Variants in RINT1 observed in about 807,000 individuals in gnomAD.
The protein encoded by RINT1 is RAD50 interactor 1.
In RINT1, 75 loss-of-function variants were observed where a neutral mutation model predicts 97.7. The observed-to-expected ratio is 0.77, with a 90% confidence interval of 0.64 to 0.93. The LOEUF (loss-of-function observed/expected upper bound fraction) is 0.93. Among genes scored for constraint, RINT1 ranks in the 40% least tolerant of loss-of-function variants. The pLI, the probability that RINT1 is intolerant of heterozygous loss-of-function variation, is 0.00. For synonymous variants in RINT1, 303 were observed against 326.3 expected, an observed-to-expected ratio of 0.93 and a Z score of 0.77; for missense variants, 892 against 925.2, an observed-to-expected ratio of 0.96 and a Z score of 0.47.
chr7:105,559,116 C>T lies in RINT1; in HGVS notation c.1671+3889C>T, dbSNP rs542152307. The stretch of plus-strand genomic sequence containing the variant: ...ATGGTTATGATGGTGCAAATCTGGC[C>T]GGGTGTGGTGGCTCACGCCTGTAAT... On this transcript the variant is annotated intron_variant, in intron 11 of 14. Transcript: ENST00000257700. Among the ~76,000 whole-genome samples the T allele has an allele frequency of 3.2e-4, 48 of 151,714 alleles. No homozygotes were observed. The East Asian group carries it at 3.7e-3, about 12-fold the overall frequency.
Position 105,551,562 on chromosome 7 carries a change from C to T in RINT1, c.1334-8C>T. ...TTAATTGACATAATTGTTTTGTCTG[C>T]TTATCAGTTGCTCTTCAAAAAATGG... On this transcript the variant is annotated splice_region_variant and splice_polypyrimidine_tract_variant and intron_variant, in intron 9 of 14. Coordinates refer to ENST00000257700, the MANE Select transcript of RINT1 (RefSeq NM_021930.6). 6.3e-7 allele frequency: 1 copy of T among 1,585,686 alleles called. No homozygotes were observed. The highest frequency in any genetic ancestry group is 8.6e-7 in the Non-Finnish European group (1 of 1,166,324).
intron 4 of RINT1, among the ~76,000 whole-genome samples, chr7:105,543,970 C>T (rs542898301): frequency 8.4e-4 from 127 of 151,400 alleles, no homozygotes; most frequent in African/African-American, 3.0e-3. Flanking sequence ...CATGGTGGCG[C>T]GTGCCTGTAA....
At chr7:105,558,498 C>T (rs1791287871) in intron 11 of RINT1, among the ~76,000 whole-genome samples, 1 of 152,070 alleles carries the variant, frequency 6.6e-6, no homozygotes, top group South Asian at 2.1e-4. Context: ...ATTTGTAGAA[C>T]ATCATCAACT....
Position 105,567,347 on chromosome 7 carries a change from C to G in RINT1, c.*36C>G. The G allele has an allele frequency of 6.8e-7, 1 of 1,462,308 alleles. No individual in the cohort carries two copies. The allele number at this position is 1,462,308 out of a possible 1,614,324, so 90.6% of individuals were successfully genotyped here. ...AAAAAGGTTTCTTTGGTTTTTGTTT[C>G]TAAGAAAGAGGAAGCCAATTGGATT... On this transcript the variant is annotated 3_prime_UTR_variant, in exon 15 of 15. Transcript: ENST00000257700.
chr7:105,541,357 G>A (rs1339720431), intron 3 of RINT1, among the ~76,000 whole-genome samples: 3 of 150,458 alleles, frequency 2.0e-5, no homozygotes, highest in Non-Finnish European at 3.0e-5. Context: ...GGCTGGTCTT[G>A]AACTCCTGAC....
chr7:105,562,437 AG>A (rs1791479913), intron 11 of RINT1, among the ~76,000 whole-genome samples: 1 of 152,136 alleles, frequency 6.6e-6, no homozygotes, highest in Non-Finnish European at 1.5e-5. Context: ...TCTAGAGATA[AG>A]GTCTCACTAT....
chr7:105,545,141 T>TTTCA (rs1329488317), intron 4 of RINT1, among the ~76,000 whole-genome samples: 1 of 152,110 alleles, frequency 6.6e-6, no homozygotes, highest in Non-Finnish European at 1.5e-5. Context: ...AGGAAATCTA[T>TTTCA]TTCATTCCTT....
chr7:105,567,365 A>G lies in RINT1; in HGVS notation c.*54A>G, dbSNP rs1705272530. ...TTTGTTTCTAAGAAAGAGGAAGCCA[A>G]TTGGATTTCAAGTTATATGATGAAA... On this transcript the variant is annotated 3_prime_UTR_variant, in exon 15 of 15. Coordinates refer to ENST00000257700, the MANE Select transcript of RINT1 (RefSeq NM_021930.6). 7.3e-6 allele frequency: 9 copies of G among 1,228,204 alleles called. No homozygotes were observed. The highest frequency in any genetic ancestry group is 8.2e-6 in the Non-Finnish European group (7 of 854,178). 76.1% of individuals were successfully genotyped at this position (1,228,204 alleles called of 1,614,324 possible).
At chr7:105,554,951 A>C in intron 10 of RINT1, 77 bp from the exon 11 acceptor site, 2 of 1,093,408 alleles carry the variant, frequency 1.8e-6, no homozygotes, top group Admixed American at 4.3e-5. Context: ...GCACTGAAGC[A>C]GGACAGTAGG....
chr7:105,554,390 T>TA (rs1037216920), intron 10 of RINT1, among the ~76,000 whole-genome samples: 2 of 151,970 alleles, frequency 1.3e-5, no homozygotes, highest in East Asian at 3.9e-4. Context: ...CTTTCTTTTT[T>TA]AAAAAAATGC....
chr7:105,548,997 T>A (rs925965932), intron 7 of RINT1, among the ~76,000 whole-genome samples: 6 of 152,014 alleles, frequency 3.9e-5, no homozygotes, highest in Non-Finnish European at 8.8e-5. Flanking sequence ...TTTCTTTTTT[T>A]TTTTTTGTGA....
chr7:105,542,148 G>A (rs1013383865), intron 3 of RINT1: 3 of 318,488 alleles, frequency 9.4e-6, no homozygotes, highest in Admixed American at 4.6e-5. Context: ...GGGCAACATA[G>A]TGAGACCTTA....
intron 4 of RINT1, among the ~76,000 whole-genome samples, chr7:105,543,699 G>C (rs1790549266): frequency 2.0e-5 from 3 of 152,042 alleles, no homozygotes; most frequent in African/African-American, 7.2e-5. Flanking sequence ...TAATAAACCT[G>C]ATATTACTTT....
chr7:105,539,247 G>T (rs1424951152), intron 3 of RINT1, among the ~76,000 whole-genome samples: 1 of 151,902 alleles, frequency 6.6e-6, no homozygotes, highest in Admixed American at 6.6e-5. Context: ...CAGACCTGAA[G>T]CCTAGGAGTC....
At chr7:105,545,446 C>CT (rs1417824166) in intron 4 of RINT1, among the ~76,000 whole-genome samples, 3 of 137,260 alleles carry the variant, frequency 2.2e-5, no homozygotes, top group Non-Finnish European at 3.1e-5. Context: ...GAGTGAGACT[C>CT]TTTTAAAAAA....
intron 11 of RINT1, among the ~76,000 whole-genome samples, chr7:105,558,203 A>T (rs974562932): frequency 6.6e-6 from 1 of 151,796 alleles, no homozygotes; most frequent in Non-Finnish European, 1.5e-5. Flanking sequence ...GCTGAGGCAG[A>T]AGAATCGCTT....
intron 6 of RINT1, 123 bp downstream of exon 6, chr7:105,547,456 G>T (rs1290368145): frequency 3.1e-6 from 3 of 969,664 alleles, no homozygotes; most frequent in Non-Finnish European, 4.6e-6. Context: ...GTTTGGACTT[G>T]GTCTGTAAAT....
intron 7 of RINT1, among the ~76,000 whole-genome samples, chr7:105,549,402 G>T (rs191185820): frequency 5.9e-5 from 9 of 151,690 alleles, no homozygotes; most frequent in Admixed American, 5.9e-4. Flanking sequence ...AGGCTGGAGC[G>T]CAATGGTGTG....
intron 11 of RINT1, among the ~76,000 whole-genome samples, chr7:105,557,194 T>C (rs1027222114): frequency 1.3e-5 from 2 of 152,118 alleles, no homozygotes; most frequent in Admixed American, 1.3e-4. Context: ...ATTATTAATA[T>C]AAAATATATA....
Sources: allele counts gnomAD v4.1 joint callset (sites outside exome capture counted in the v4.1 genomes callset), GRCh38; gene constraint gnomAD v4.1.1; transcripts MANE v1.5; gene names NCBI Gene and HGNC (gene_info 2026-07-23, HGNC 2026-07-21).